ACSF2: variants seen among roughly 807,000 people sequenced by gnomAD.
ACSF2 encodes the protein acyl-CoA synthetase family member 2.
A neutral mutation model predicts 79.3 loss-of-function variants in ACSF2; 52 were observed. The ratio of observed to expected loss-of-function variants is 0.66; its 90% CI spans 0.53 to 0.83. ACSF2 has a LOEUF of 0.83. ACSF2 is among the 40% of genes least tolerant of loss of function. The probability of loss-of-function intolerance (pLI) is 0.00; values close to 1 mark genes in which losing one functional copy is unlikely to be tolerated. For synonymous variants in ACSF2, 283 were observed against 312.6 expected (o/e 0.91, Z 1.00); for missense variants, 661 against 803.3 (o/e 0.82, Z 2.14).
In ACSF2 at chr17:50,474,065, C is replaced by T. The variant is rs758192188; in HGVS notation, c.1728+61C>T. The T allele has an allele frequency of 2.0e-4, 312 of 1,558,168 alleles. No homozygotes were observed. The highest frequency in any genetic ancestry group is 2.6e-4 in the Non-Finnish European group (299 of 1,146,760). ...TGTTCTTTGCTCACCCACTCCTCTGCCAACCAGCCCAGGGTGGGGATTGCT... is the reference window on the plus strand; with the variant it reads ...TGTTCTTTGCTCACCCACTCCTCTGTCAACCAGCCCAGGGTGGGGATTGCT... On this transcript the variant is annotated intron_variant, in intron 14 of 15. Transcript: ENST00000300441. The surrounding 1 kb of genome is among the most constrained non-coding windows in gnomAD (Gnocchi z 4.2).
chr17:50,470,899 G>C (rs913950599), intron 10 of ACSF2, 129 bp from the exon 11 acceptor site: 1 of 705,152 alleles, frequency 1.4e-6, no homozygotes, highest in African/African-American at 1.8e-5. Flanking sequence ...TGATGTCTCT[G>C]TTTCCACCAT....
intron 10 of ACSF2, among the ~76,000 whole-genome samples, chr17:50,469,336 G>A (rs1203765939): frequency 6.6e-6 from 1 of 152,228 alleles, no homozygotes; most frequent in Non-Finnish European, 1.5e-5. Flanking sequence ...AGCTGGATGC[G>A]TCTCCCTGCG....
intron 12 of ACSF2, chr17:50,473,026 C>T (rs192632599): frequency 4.5e-5 from 7 of 154,576 alleles, no homozygotes; most frequent in East Asian, 3.9e-4. Context: ...GAGGCCGAGG[C>T]GGGTGGATCA....
Position 50,471,148 on chromosome 17 carries a change from C to T in ACSF2, c.1323+13C>T. ...GCCTCACACGGAGGTGAGCCCCTGA[C>T]CAAGACTCCAAAGTCCCACCTCCCG... On this transcript the variant is annotated intron_variant, in intron 11 of 15. Transcript: ENST00000300441. This position sits in a 1 kb window ranked among gnomAD's most constrained non-coding sequence, Gnocchi z 4.1. The T allele has an allele frequency of 1.2e-6, 2 of 1,610,488 alleles. No individual in the cohort carries two copies. Among genetic ancestry groups the T allele is most frequent in the African/African-American group, 2.7e-5 (2 of 74,910 alleles).
chr17:50,470,782 A>G (rs1567864203), intron 10 of ACSF2: 2 of 412,428 alleles, frequency 4.8e-6, no homozygotes, highest in Non-Finnish European at 8.9e-6. Flanking sequence ...TCCAGCTGGA[A>G]GAGAATGGTG....
At chr17:50,437,486 C>CTAAA (rs1179240951) in intron 1 of ACSF2, among the ~76,000 whole-genome samples, 3 of 151,920 alleles carry the variant, frequency 2.0e-5, no homozygotes, top group African/African-American at 4.8e-5. Context: ...CCTGTCTCTA[C>CTAAA]TAAATAAATA....
intron 1 of ACSF2, among the ~76,000 whole-genome samples, chr17:50,435,401 T>C (rs556438999): frequency 3.3e-5 from 5 of 152,238 alleles, no homozygotes; most frequent in Admixed American, 1.3e-4. Flanking sequence ...GAGCAAAATT[T>C]TTTAATCCTT....
In ACSF2 at chr17:50,474,378, CG is replaced by C; in HGVS notation, c.1797+114del. 3 of 1,505,574 alleles carry C rather than the reference CG, an allele frequency of 2.0e-6. No individual in the cohort carries two copies. Among genetic ancestry groups the C allele is most frequent in the Non-Finnish European group, 2.8e-6 (3 of 1,084,834 alleles). The allele number at this position is 1,505,574 out of a possible 1,614,324, so 93.3% of individuals were successfully genotyped here. A position where few individuals can be genotyped will look rare whatever the true frequency, so the allele number is the denominator to read the frequency against. The stretch of plus-strand genomic sequence containing the variant: ...GTGGAGAGACTGGCAGTAGGGTGAC[CG>C]GGTCACCTAATCCTGGTTTGCCTGG... On this transcript the variant is annotated intron_variant, in intron 15 of 15. Coordinates refer to ENST00000300441, the MANE Select transcript of ACSF2 (RefSeq NM_025149.6). This position sits in a 1 kb window ranked among gnomAD's most constrained non-coding sequence, Gnocchi z 4.2.
At position 50,472,692 on chromosome 17, in the gene ACSF2, C is replaced by A. The variant is rs113755649; in HGVS notation, c.1475+113C>A. 1.4e-3 allele frequency: 1,752 copies of A among 1,287,330 alleles called. 24 individuals are homozygous for A. The African/African-American group carries it at 0.024, about 17-fold the overall frequency. 79.7% of individuals were successfully genotyped at this position (1,287,330 alleles called of 1,614,324 possible). A position where few individuals can be genotyped will look rare whatever the true frequency, so the allele number is the denominator to read the frequency against. On this transcript the variant is annotated intron_variant, in intron 12 of 15. Transcript: ENST00000300441. ...GTGAGGATGTGGGTATCAAGATGAC[C>A]CCTCACATGCTGGAGTCTTAATTTC...
intron 1 of ACSF2, among the ~76,000 whole-genome samples, chr17:50,447,592 G>A (rs1171927304): frequency 6.6e-6 from 1 of 151,928 alleles, no homozygotes; most frequent in South Asian, 2.1e-4. Flanking sequence ...ATGATTTCAC[G>A]AGTCACACAG....
At chr17:50,457,997 G>T (rs566729954) in intron 1 of ACSF2, among the ~76,000 whole-genome samples, 1 of 152,324 alleles carries the variant, frequency 6.6e-6, no homozygotes, top group Admixed American at 6.5e-5. Context: ...CATTGCAGGG[G>T]CCCAGGAATT....
Position 50,462,423 on chromosome 17 carries a change from C to T in ACSF2, c.630C>T (p.Leu210=), listed in dbSNP as rs768549107. ...TCACCATCGTCCCCAACCCCAGGCT[C>T]CCAGATCTGACCACAGTCATCTCGG... ...AQPGALKSQR[L]PDLTTVISVD... is the part of the protein sequence containing the mutation. Residue 210 remains leucine, a synonymous_variant, in exon 6 of 16, where the codon CTC becomes CTT. Coordinates refer to ENST00000300441, the MANE Select transcript of ACSF2 (RefSeq NM_025149.6). The T allele has an allele frequency of 1.2e-6, 2 of 1,612,884 alleles. No individual in the cohort carries two copies. The highest frequency in any genetic ancestry group is 1.1e-5 in the South Asian group (1 of 91,056).
At chr17:50,435,847 G>A (rs889231850) in intron 1 of ACSF2, among the ~76,000 whole-genome samples, 23 of 151,172 alleles carry the variant, frequency 1.5e-4, no homozygotes, top group Non-Finnish European at 3.1e-4. Flanking sequence ...CCAACTCCTC[G>A]GTTCAAGCAA....
chr17:50,430,733 A>G (rs192351677), intron 1 of ACSF2, among the ~76,000 whole-genome samples: 15 of 152,364 alleles, frequency 9.8e-5, no homozygotes, highest in South Asian at 6.2e-4. Flanking sequence ...CATTAAAATG[A>G]TATAAGCTAT....
chr17:50,458,956 G>A (rs890713338), intron 1 of ACSF2, among the ~76,000 whole-genome samples: 1 of 152,206 alleles, frequency 6.6e-6, no homozygotes, highest in Non-Finnish European at 1.5e-5. Flanking sequence ...CCCAGAGACA[G>A]GGAGCTTCTT....
intron 10 of ACSF2, chr17:50,468,608 T>C (rs771471532): frequency 9.9e-6 from 16 of 1,614,086 alleles, no homozygotes; most frequent in African/African-American, 1.3e-5. Flanking sequence ...CCGGAACGAA[T>C]TGGCAGCCAG....
chr17:50,464,264 C>T lies in ACSF2; in HGVS notation c.1185C>T (p.Ile395=). 2.5e-6 allele frequency: 4 copies of T among 1,614,134 alleles called. No homozygotes were observed. Among genetic ancestry groups the T allele is most frequent in the Non-Finnish European group, 2.5e-6 (3 of 1,180,042 alleles). The part of the protein sequence containing the change: ...SPAPPELIRA[I]INKINMKDLV... ...CACCTCCAGAGTTGATCCGAGCCAT[C>T]ATCAACAAGATAAATATGAAGGACC... The change falls in exon 10 of 16, where the codon ATC becomes ATT. Residue 395 remains isoleucine, a synonymous_variant. Coordinates refer to ENST00000300441, the MANE Select transcript of ACSF2 (RefSeq NM_025149.6).
Position 50,463,240 on chromosome 17 carries a change from C to T in ACSF2, c.877C>T (p.Leu293=). 1 of 1,614,132 alleles carries T rather than the reference C, an allele frequency of 6.2e-7. No homozygotes were observed. Residue 293 remains leucine, a synonymous_variant, in exon 7 of 16, where the codon CTG becomes TTG. Coordinates refer to ENST00000300441, the MANE Select transcript of ACSF2 (RefSeq NM_025149.6). The surrounding 1 kb of genome is among the most constrained non-coding windows in gnomAD (Gnocchi z 4.6). ...NSNILGERLK[L]HEKTPEQLRM... is the part of the protein sequence containing the mutation. ...CAACATTTTAGGAGAGCGCCTGAAA[C>T]TGCATGAGAAGGTGAGGCGGCACTA...
At chr17:50,437,613 G>A (rs548903959) in intron 1 of ACSF2, among the ~76,000 whole-genome samples, 3 of 151,964 alleles carry the variant, frequency 2.0e-5, no homozygotes, top group South Asian at 2.1e-4. Flanking sequence ...CCGTGATCAC[G>A]CCATTGCACT....
Sources: allele counts gnomAD v4.1 joint callset (sites outside exome capture counted in the v4.1 genomes callset), GRCh38; gene constraint gnomAD v4.1.1; non-coding constraint Gnocchi (gnomAD v3.1); transcripts MANE v1.5; gene names NCBI Gene and HGNC (gene_info 2026-07-23, HGNC 2026-07-21).